Variants in DIS3L2 observed in about 807,000 individuals in gnomAD.
DIS3L2 encodes the protein DIS3-like exonuclease 2.
In DIS3L2, 34 loss-of-function variants were observed where a neutral mutation model predicts 97.5. The observed-to-expected ratio is 0.35, with a 90% CI of 0.27 to 0.46. DIS3L2 has a LOEUF of 0.46. DIS3L2 is among the 20% of genes least tolerant of loss of function. DIS3L2 has a pLI of 1.00. For missense variants in DIS3L2, 1,038 were observed against 1,146.0 expected (o/e 0.91, Z 1.36); for synonymous variants, 435 against 445.2 (o/e 0.98, Z 0.29).
chr2:232,251,887 C>T (rs926446088), intron 12 of DIS3L2, among the ~76,000 whole-genome samples: 1 of 152,136 alleles, frequency 6.6e-6, no homozygotes, highest in African/African-American at 2.4e-5. Context: ...CAAAAATGTC[C>T]ATCTCATACA....
chr2:231,995,481 A>G (rs560941963), intron 1 of DIS3L2, among the ~76,000 whole-genome samples: 4 of 151,942 alleles, frequency 2.6e-5, no homozygotes, highest in African/African-American at 7.2e-5. Context: ...TTTCTAGCCT[A>G]TTTTCTCACT....
intron 9 of DIS3L2, among the ~76,000 whole-genome samples, chr2:232,195,994 C>T (rs1416265539): frequency 6.6e-6 from 1 of 152,116 alleles, no homozygotes; most frequent in African/African-American, 2.4e-5. Context: ...GTTAGTTCAG[C>T]CTATGCCCAG....
downstream of DIS3L2, chr2:232,341,102 AAC>A (rs1231802610): frequency 8.1e-6 from 3 of 370,080 alleles, no homozygotes; most frequent in Non-Finnish European, 1.6e-5. Flanking sequence ...CTAGAGTAAA[AAC>A]ACTGCAGACA....
intron 6 of DIS3L2, among the ~76,000 whole-genome samples, chr2:232,114,357 G>C (rs558726208): frequency 6.6e-6 from 1 of 152,088 alleles, no homozygotes; most frequent in African/African-American, 2.4e-5. Context: ...ATAGGACTTA[G>C]GCAGAGAAGG....
intron 10 of DIS3L2, among the ~76,000 whole-genome samples, chr2:232,216,673 ATATGTT>A (rs1180499716): frequency 4.0e-5 from 6 of 151,876 alleles, no homozygotes; most frequent in Non-Finnish European, 8.8e-5. Context: ...AAGATATTTG[ATATGTT>A]TATGTTGAGA....
intron 8 of DIS3L2, among the ~76,000 whole-genome samples, chr2:232,161,320 G>T (rs1690643884): frequency 6.6e-6 from 1 of 152,078 alleles, no homozygotes. Context: ...TAGAAGCTTA[G>T]ATCACTGATT....
chr2:232,106,477 A>C (rs1280196983), intron 6 of DIS3L2, among the ~76,000 whole-genome samples: 1 of 152,222 alleles, frequency 6.6e-6, no homozygotes, highest in Non-Finnish European at 1.5e-5. Flanking sequence ...AGGGCATTAC[A>C]TAATGGTAAA....
At chr2:232,273,572 A>G (rs1029634047) in intron 13 of DIS3L2, among the ~76,000 whole-genome samples, 2 of 152,196 alleles carry the variant, frequency 1.3e-5, no homozygotes, top group Non-Finnish European at 2.9e-5. Flanking sequence ...GGTTTAGAAC[A>G]AGGTATAATG....
intron 7 of DIS3L2, 118 bp downstream of exon 7, chr2:232,130,837 C>A (rs928507615): frequency 6.1e-6 from 8 of 1,307,578 alleles, no homozygotes; most frequent in South Asian, 4.3e-5. Flanking sequence ...AAAGTTAGAG[C>A]AGAGAATCAT....
At chr2:232,245,094 G>T (rs1373621798) in intron 11 of DIS3L2, among the ~76,000 whole-genome samples, 2 of 152,186 alleles carry the variant, frequency 1.3e-5, no homozygotes, top group Admixed American at 1.3e-4. Flanking sequence ...ATAAGACTGG[G>T]GAAAAGGATC....
chr2:232,066,941 T>G (rs1166979383), intron 5 of DIS3L2, among the ~76,000 whole-genome samples: 1 of 152,174 alleles, frequency 6.6e-6, no homozygotes, highest in Non-Finnish European at 1.5e-5. Context: ...AATATTCTTT[T>G]ACTGTCCTTT....
intron 9 of DIS3L2, among the ~76,000 whole-genome samples, chr2:232,187,547 A>T (rs1691475364): frequency 6.6e-6 from 1 of 152,052 alleles, no homozygotes; most frequent in East Asian, 1.9e-4. Context: ...GGTTCAAGCG[A>T]TTCTCCTGCC....
intron 12 of DIS3L2, among the ~76,000 whole-genome samples, chr2:232,252,867 T>C (rs1404121856): frequency 1.3e-5 from 2 of 152,140 alleles, no homozygotes; most frequent in African/African-American, 4.8e-5. Flanking sequence ...CGCCACGCAA[T>C]CCCAGCACTT....
At chr2:232,130,763 C>A (rs1698193964) in intron 7 of DIS3L2, 44 bp downstream of exon 7, 1 of 1,607,296 alleles carries the variant, frequency 6.2e-7, no homozygotes, top group Non-Finnish European at 8.5e-7. Context: ...ATGGCTTTCA[C>A]CTGAGCTACT....
chr2:232,064,450 T>C (rs1695797616), intron 5 of DIS3L2, among the ~76,000 whole-genome samples: 1 of 152,170 alleles, frequency 6.6e-6, no homozygotes, highest in South Asian at 2.1e-4. Context: ...GAAGGACATT[T>C]TGGTTGTTTT....
At chr2:232,295,187 TC>T (rs750168267) in intron 13 of DIS3L2, among the ~76,000 whole-genome samples, 25 of 152,332 alleles carry the variant, frequency 1.6e-4, no homozygotes, top group Non-Finnish European at 2.9e-4. Flanking sequence ...CTGGCAATAC[TC>T]CCTGGCAATC....
At chr2:232,006,943 A>G (rs920457575) in intron 1 of DIS3L2, among the ~76,000 whole-genome samples, 1 of 152,238 alleles carries the variant, frequency 6.6e-6, no homozygotes, top group Non-Finnish European at 1.5e-5. Flanking sequence ...TTACTTCATT[A>G]TAGAGAAGAT....
At chr2:232,028,552 C>T (rs16828571) in intron 4 of DIS3L2, among the ~76,000 whole-genome samples, 9,973 of 152,114 alleles carry the variant, frequency 0.066, 1,105 homozygotes, top group East Asian at 0.5. Context: ...GAAATCTCTG[C>T]GCTGCCAAAG....
In DIS3L2 at chr2:232,335,797, T is replaced by G; in HGVS notation, c.2419T>G (p.Phe807Val). The change falls in exon 20 of 21, where the codon TTC becomes GTC. Residue 807 changes from phenylalanine to valine, a missense_variant. By Grantham distance (50) the Phe-to-Val change is conservative. Coordinates refer to ENST00000325385, the MANE Select transcript of DIS3L2 (RefSeq NM_152383.5). ...GGCACTGGCCCTGCGGTCCCACCAC[T>G]TCCAGAAGGTGGGCAAGAAGCCGGA... is the stretch of plus-strand genomic sequence containing the variant. Reference protein sequence around the residue: ...CNALALRSHHFQKVGKKPELT... With the variant: ...CNALALRSHHVQKVGKKPELT... 6.4e-7 allele frequency: 1 copy of G among 1,550,638 alleles called. No homozygotes were observed. Among genetic ancestry groups the G allele is most frequent in the Non-Finnish European group, 8.7e-7 (1 of 1,146,998 alleles).
Sources: allele counts gnomAD v4.1 joint callset (sites outside exome capture counted in the v4.1 genomes callset), GRCh38; gene constraint gnomAD v4.1.1; transcripts MANE v1.5; gene names NCBI Gene and HGNC (gene_info 2026-07-23, HGNC 2026-07-21).